The following BCAR1 variants were observed in gnomAD, a reference collection of about 807,000 sequenced individuals.
BCAR1 encodes breast cancer anti-estrogen resistance protein 1.
In BCAR1, 30 loss-of-function variants were observed where a neutral mutation model predicts 67.6. The observed-to-expected ratio is 0.44, with a 90% CI of 0.33 to 0.60. The LOEUF (loss-of-function observed/expected upper bound fraction) is 0.60. Among genes scored for constraint, BCAR1 ranks in the 20% least tolerant of loss-of-function variants. The probability of loss-of-function intolerance (pLI) is 0.02; values close to 1 mark genes in which losing one functional copy is unlikely to be tolerated. For missense variants in BCAR1, 1,313 were observed against 1,222.3 expected (o/e 1.07, Z -1.11); for synonymous variants, 626 against 556.7 (o/e 1.12, Z -1.75).
Position 75,235,926 on chromosome 16 carries a change from C to T in BCAR1, c.973G>A (p.Glu325Lys). The change falls in exon 5 of 7, where the codon GAG becomes AAG. Residue 325 changes from glutamate to lysine, a missense_variant. Physicochemically the swap from Glu to Lys is moderately conservative, Grantham distance 56. Coordinates refer to ENST00000162330, the MANE Select transcript of BCAR1 (RefSeq NM_014567.5). ...DVPDGPLLRE[E>K]TYDVPPAFAK... ...AAGGCGGGGGGCACATCGTAGGTCT[C>T]CTCACGCAGCAGTGGGCCATCGGGC... 1.9e-6 allele frequency: 3 copies of T among 1,570,432 alleles called. No homozygotes were observed. Among genetic ancestry groups the T allele is most frequent in the Non-Finnish European group, 2.6e-6 (3 of 1,157,572 alleles).
chr16:75,265,910 C>T, intron 1 of BCAR1: 2 of 1,116,244 alleles, frequency 1.8e-6, no homozygotes, highest in South Asian at 4.3e-5. Context: ...CCGCGCCGCT[C>T]AGAGGCCCCG....
rs890765071 is a variant in BCAR1 at position 75,233,867 on chromosome 16, C to T, written c.2079G>A (p.Lys693=). ...LEKGSITRQG[K]SQLELQQLKQ... is the part of the protein sequence containing the mutation. ...TCACCTGCTGCAACTCCAGCTGGCT[C>T]TTGCCCTGCCGCGTGATGCTGCCCT... The change falls in exon 6 of 7, where the codon AAG becomes AAA. Residue 693 remains lysine, a synonymous_variant. Transcript: ENST00000162330. 6.2e-7 allele frequency: 1 copy of T among 1,609,004 alleles called. No homozygotes were observed. Among genetic ancestry groups the T allele is most frequent in the African/African-American group, 1.3e-5 (1 of 74,984 alleles).
At chr16:75,248,051 T>C (rs1307879613) in intron 1 of BCAR1, 6 of 1,510,572 alleles carry the variant, frequency 4.0e-6, no homozygotes, top group Non-Finnish European at 5.5e-6. Flanking sequence ...AAGACACGAT[T>C]ACCTCCATCT....
chr16:75,243,907 A>G (rs1485849358), intron 1 of BCAR1, among the ~76,000 whole-genome samples: 2 of 152,234 alleles, frequency 1.3e-5, no homozygotes, highest in Non-Finnish European at 2.9e-5. Context: ...TCGAGGTGCC[A>G]GGCGCAGGAT....
rs966766766 is a variant in BCAR1 at position 75,235,828 on chromosome 16, C to T, written c.1071G>A (p.Pro357=). The change falls in exon 5 of 7, where the codon CCG becomes CCA. Residue 357 remains proline (P), a synonymous_variant. Coordinates refer to ENST00000162330, the MANE Select transcript of BCAR1 (RefSeq NM_014567.5). ...VLAAPPPDSP[P]AEDVYDVPPP... ...GCGGCACGTCATACACGTCCTCGGC[C>T]GGCGGGGAGTCTGGAGGGGGCGCAG... 3.8e-5 allele frequency: 60 copies of T among 1,576,740 alleles called. No homozygotes were observed. Among genetic ancestry groups the T allele is most frequent in the African/African-American group, 5.4e-5 (4 of 74,252 alleles).
chr16:75,265,768 A>G (rs2077996954), intron 1 of BCAR1: 3 of 1,193,406 alleles, frequency 2.5e-6, no homozygotes, highest in Non-Finnish European at 1.0e-6. Flanking sequence ...GGGCGGGGCG[A>G]GGTCGCAGCC....
chr16:75,252,047 G>A (rs2077693938), upstream of BCAR1, among the ~76,000 whole-genome samples: 1 of 152,158 alleles, frequency 6.6e-6, no homozygotes, highest in African/African-American at 2.4e-5. Flanking sequence ...GTGTCCATGG[G>A]CCGTGGGACT....
At chr16:75,262,162 A>G (rs1359856101) in intron 1 of BCAR1, among the ~76,000 whole-genome samples, 1 of 152,164 alleles carries the variant, frequency 6.6e-6, no homozygotes, top group Non-Finnish European at 1.5e-5. Context: ...AACCCCTTTC[A>G]GCCTCAAGCA....
At position 75,235,327 on chromosome 16, in the gene BCAR1, G is replaced by A. The variant is rs1233322595; in HGVS notation, c.1572C>T (p.Ser524=). The A allele has an allele frequency of 4.4e-6, 7 of 1,601,510 alleles. No individual in the cohort carries two copies. The highest frequency in any genetic ancestry group is 1.7e-4 in the Middle Eastern group (1 of 6,032). The change falls in exon 5 of 7, where the codon AGC becomes AGT. Residue 524 remains serine (S), a synonymous_variant. Transcript: ENST00000162330. ...AVHELLEFAR[S]AVGNAAHTSD... is the part of the protein sequence containing the mutation. ...ATGTGTGGGCAGCATTGCCCACCGC[G>A]CTGCGGGCAAACTCCAACAGCTCGT...
chr16:75,240,205 C>T (rs1346399994), intron 2 of BCAR1, among the ~76,000 whole-genome samples: 2 of 152,188 alleles, frequency 1.3e-5, no homozygotes, highest in East Asian at 3.9e-4. Context: ...GTGTCCCTCC[C>T]GCCCACGTGA....
intron 1 of BCAR1, chr16:75,247,745 A>G: frequency 2.4e-6 from 1 of 411,638 alleles, no homozygotes; most frequent in Non-Finnish European, 4.5e-6. Context: ...TGCAGGTATC[A>G]CTGCTGACCA....
intron 1 of BCAR1, among the ~76,000 whole-genome samples, chr16:75,243,651 A>G (rs892516425): frequency 6.6e-6 from 1 of 152,222 alleles, no homozygotes; most frequent in South Asian, 2.1e-4. Flanking sequence ...AAGAAACAGG[A>G]GGCACACCCT....
At chr16:75,239,418 C>G (rs923109138) in intron 2 of BCAR1, among the ~76,000 whole-genome samples, 4 of 152,134 alleles carry the variant, frequency 2.6e-5, no homozygotes, top group Non-Finnish European at 5.9e-5. Flanking sequence ...GGTGCCGCCC[C>G]TCTCCTCCCC....
rs753667550 is a variant in BCAR1 at position 75,235,683 on chromosome 16, C to T, written c.1216G>A (p.Asp406Asn). ...GGAGGCACCGCATACACACCACTGTCGACCACGCCACCATCAGCCACCTCA... is the reference window on the plus strand; with the variant it reads ...GGAGGCACCGCATACACACCACTGTTGACCACGCCACCATCAGCCACCTCA... ...PPEVADGGVV[D>N]SGVYAVPPPA... Residue 406 changes from aspartate (D) to asparagine (N), a missense_variant, in exon 5 of 7, where the codon GAC becomes AAC. Asp to Asn is a conservative substitution (Grantham distance 23, BLOSUM62 1). Coordinates refer to ENST00000162330, the MANE Select transcript of BCAR1 (RefSeq NM_014567.5). 113 of 1,611,590 alleles carry T rather than the reference C, an allele frequency of 7.0e-5. 1 individual carries two copies. In the South Asian group the frequency reaches 9.7e-4, roughly 14 times the overall value.
intron 1 of BCAR1, chr16:75,249,319 C>T (rs1597254140): frequency 6.6e-6 from 1 of 152,378 alleles, no homozygotes; most frequent in East Asian, 1.9e-4. Flanking sequence ...AGACCCACCC[C>T]TCCACCCTAC....
rs756962797 is a variant in BCAR1 at position 75,235,248 on chromosome 16, C to T, written c.1651G>A (p.Val551Met). The T allele has an allele frequency of 1.3e-5, 21 of 1,606,538 alleles. No homozygotes were observed. The highest frequency in any genetic ancestry group is 3.3e-5 in the Admixed American group (2 of 59,888). Residue 551 changes from valine to methionine, a missense_variant, in exon 5 of 7, where the codon GTG becomes ATG. Val to Met is a conservative substitution (Grantham distance 21, BLOSUM62 1). This residue lies in a region of BCAR1 where 1,272 missense variants were observed against 1,137.5 expected (regional missense o/e 1.12). Transcript: ENST00000162330. ...LSRQLQKMED[V>M]HQTLVAHGQA... ...CCATGTGCCACCAGCGTCTGGTGCACGTCCTCCATCTTCTGCAGCTGCCGG... is the reference window on the plus strand; with the variant it reads ...CCATGTGCCACCAGCGTCTGGTGCATGTCCTCCATCTTCTGCAGCTGCCGG...
In BCAR1 at chr16:75,229,449, T is replaced by C. The variant is rs974068065; in HGVS notation, c.*62A>G. ...GCCTGTGGCACAGCGACTCTTGACA[T>C]GGGAGCCAGGGAGCTGGGACCGCCG... On this transcript the variant is annotated 3_prime_UTR_variant, in exon 7 of 7. Transcript: ENST00000162330. 6.9e-7 allele frequency: 1 copy of C among 1,455,738 alleles called. No individual in the cohort carries two copies. Among genetic ancestry groups the C allele is most frequent in the Non-Finnish European group, 9.1e-7 (1 of 1,104,772 alleles). 90.2% of individuals were successfully genotyped at this position (1,455,738 alleles called of 1,614,324 possible).
Position 75,250,817 on chromosome 16 carries a change from G to C in BCAR1, c.12+654C>G, listed in dbSNP as rs906830208. ...CCCCCTCCCGCGACACTCGCGTGCGGCTAGGACTCCTGTGGCCAGGACCCG... is the reference window on the plus strand; with the variant it reads ...CCCCCTCCCGCGACACTCGCGTGCGCCTAGGACTCCTGTGGCCAGGACCCG... On this transcript the variant is annotated intron_variant, in intron 1 of 6. Transcript: ENST00000162330. The C allele has an allele frequency of 4.1e-6, 4 of 985,566 alleles. No homozygotes were observed. In the South Asian group the frequency reaches 1.9e-4, roughly 46 times the overall value. 61.1% of individuals were successfully genotyped at this position (985,566 alleles called of 1,614,324 possible).
chr16:75,256,475 T>A (rs1420142690), upstream of BCAR1, among the ~76,000 whole-genome samples: 1 of 145,752 alleles, frequency 6.9e-6, no homozygotes, highest in East Asian at 2.0e-4. Context: ...GTATCCAAGG[T>A]GTGTGGGCAG....
Sources: gnomAD v4.1 joint callset for allele counts (sites outside exome capture counted in the v4.1 genomes callset) on GRCh38, gnomAD v4.1.1 for gene constraint, gnomAD v4.1.1 regional missense constraint, MANE v1.5 for transcripts, NCBI Gene and HGNC (gene_info 2026-07-23, HGNC 2026-07-21) for gene names.